Variants in GPAT3 observed in about 807,000 individuals in gnomAD.
GPAT3 encodes the protein 1-AGP acyltransferase 9.
A neutral mutation model predicts 58.8 loss-of-function variants in GPAT3; 53 were observed. That is an observed-to-expected ratio of 0.90 (90% CI 0.72 to 1.13). The LOEUF is 1.13. Ranked by LOEUF, GPAT3 falls within the 50% of genes most tolerant of loss-of-function variation. GPAT3 has a pLI of 0.00. For synonymous variants in GPAT3, 197 were observed against 187.4 expected, an observed-to-expected ratio of 1.05 and a Z score of -0.42; for missense variants, 511 against 527.6, an observed-to-expected ratio of 0.97 and a Z score of 0.31.
upstream of GPAT3, chr4:83,535,811 G>A: frequency 1.0e-6 from 1 of 985,510 alleles, no homozygotes; most frequent in Non-Finnish European, 1.2e-6. Context: ...GTCCTTGGAA[G>A]CCCTTTCCAA....
At chr4:83,591,866 A>C (rs1054739981) in intron 6 of GPAT3, among the ~76,000 whole-genome samples, 1 of 152,196 alleles carries the variant, frequency 6.6e-6, no homozygotes, top group Non-Finnish European at 1.5e-5. Flanking sequence ...AAATTTATTG[A>C]CTAACAGTTC....
rs186163761 is a variant in GPAT3 at position 83,552,539 on chromosome 4, G to A, written c.208+7937G>A. ...GGGAAGAATGGAATGACAAAGTAAG[G>A]CATAGGTGGGGGTGCTTAGATGAGC... On this transcript the variant is annotated intron_variant, in intron 2 of 11. Transcript: ENST00000264409. Among the ~76,000 whole-genome samples, 155 of 152,316 alleles carry A rather than the reference G, an allele frequency of 1.0e-3. 1 individual carries two copies. Among genetic ancestry groups the A allele is most frequent in the African/African-American group, 3.6e-3 (148 of 41,566 alleles).
chr4:83,596,803 G>A (rs1726858067), intron 7 of GPAT3, 55 bp from the exon 8 acceptor site: 1 of 1,374,806 alleles, frequency 7.3e-7, no homozygotes, highest in Non-Finnish European at 1.0e-6. Context: ...TATCAAAAAG[G>A]ACATCCACCT....
In GPAT3 at chr4:83,581,604, C is replaced by A. The variant is rs781332983; in HGVS notation, c.251C>A (p.Ser84Tyr). The A allele has an allele frequency of 2.5e-6, 4 of 1,614,016 alleles. No individual in the cohort carries two copies. Among genetic ancestry groups the A allele is most frequent in the Admixed American group, 3.3e-5 (2 of 59,998 alleles). ...RDESPMEKGL[S>Y]GLRGRDFELS... ...GAGTCACCCATGGAAAAAGGGCTCT[C>A]TGGTCTACGAGGAAGGGACTTTGAG... The change falls in exon 3 of 12, where the codon TCT (serine) becomes TAT (tyrosine). Residue 84 changes from serine to tyrosine, a missense_variant. Transcript: ENST00000264409.
At chr4:83,557,392 C>T (rs965666924) in intron 2 of GPAT3, among the ~76,000 whole-genome samples, 1 of 152,168 alleles carries the variant, frequency 6.6e-6, no homozygotes, top group African/African-American at 2.4e-5. Context: ...GCAGACATCA[C>T]TAGTTGATGA....
intron 2 of GPAT3, among the ~76,000 whole-genome samples, chr4:83,552,186 TTTGG>T: frequency 6.6e-6 from 1 of 152,170 alleles, no homozygotes; most frequent in East Asian, 1.9e-4. Context: ...CTACTGATAC[TTTGG>T]ATTGGGTAAT....
At chr4:83,537,287 T>A (rs1724134196) in intron 1 of GPAT3, among the ~76,000 whole-genome samples, 1 of 152,228 alleles carries the variant, frequency 6.6e-6, no homozygotes, top group Admixed American at 6.5e-5. Context: ...GGAAATTTTA[T>A]CTAACCAACA....
At chr4:83,553,855 C>T (rs1228441240) in intron 2 of GPAT3, among the ~76,000 whole-genome samples, 2 of 151,056 alleles carry the variant, frequency 1.3e-5, no homozygotes, top group South Asian at 2.1e-4. Context: ...CCAGCCTGGA[C>T]GACAGAGTGA....
At chr4:83,553,228 G>A (rs910606769) in intron 2 of GPAT3, among the ~76,000 whole-genome samples, 1 of 152,146 alleles carries the variant, frequency 6.6e-6, no homozygotes, top group African/African-American at 2.4e-5. Flanking sequence ...CAGAGTTATG[G>A]TCTTGTAACT....
chr4:83,559,374 A>G (rs1366646311), intron 2 of GPAT3, among the ~76,000 whole-genome samples: 1 of 152,066 alleles, frequency 6.6e-6, no homozygotes, highest in Non-Finnish European at 1.5e-5. Context: ...CCCAGGCTAG[A>G]GTGCAGTGAC....
intron 2 of GPAT3, among the ~76,000 whole-genome samples, chr4:83,566,793 CT>C (rs566919778): frequency 0.046 from 6,365 of 137,076 alleles, 189 homozygotes; most frequent in Middle Eastern, 0.093. Context: ...TTTAGCTTTT[CT>C]TTTTTTTTTT....
chr4:83,597,972 C>A (rs1183358053), intron 9 of GPAT3, 79 bp from the exon 10 acceptor site: 6 of 1,542,456 alleles, frequency 3.9e-6, no homozygotes, highest in Admixed American at 1.8e-5. Flanking sequence ...AGCTGTTTGG[C>A]CTACCACCTT....
At chr4:83,580,269 T>C (rs1726058127) in intron 2 of GPAT3, among the ~76,000 whole-genome samples, 2 of 152,348 alleles carry the variant, frequency 1.3e-5, no homozygotes, top group South Asian at 4.1e-4. Context: ...AATCCTATTG[T>C]CTAGAAATAG....
At chr4:83,578,948 T>TCTTTTTC (rs11392342) in intron 2 of GPAT3, among the ~76,000 whole-genome samples, 1 of 71,848 alleles carries the variant, frequency 1.4e-5, no homozygotes, top group Non-Finnish European at 2.7e-5. Context: ...TTTTCTTTTC[T>TCTTTTTC]TTTCTTTCTT....
At chr4:83,557,912 T>C (rs1247124228) in intron 2 of GPAT3, among the ~76,000 whole-genome samples, 1 of 152,150 alleles carries the variant, frequency 6.6e-6, no homozygotes, top group East Asian at 1.9e-4. Flanking sequence ...GAAACCGGAA[T>C]AGAATTTAAA....
At chr4:83,585,922 C>A (rs1033793460) in intron 3 of GPAT3, among the ~76,000 whole-genome samples, 3 of 152,154 alleles carry the variant, frequency 2.0e-5, no homozygotes, top group African/African-American at 7.2e-5. Flanking sequence ...TATGTTAAAT[C>A]ATAATCTCCT....
At chr4:83,582,791 T>C (rs1726200405) in intron 3 of GPAT3, among the ~76,000 whole-genome samples, 2 of 152,060 alleles carry the variant, frequency 1.3e-5, no homozygotes, top group Non-Finnish European at 2.9e-5. Context: ...TTGTTGTTTT[T>C]TTTTGCCCAT....
At chr4:83,542,580 G>A (rs1399061265) in intron 1 of GPAT3, among the ~76,000 whole-genome samples, 2 of 152,174 alleles carry the variant, frequency 1.3e-5, no homozygotes, top group Non-Finnish European at 2.9e-5. Context: ...CTTGATGTAC[G>A]TTTTAGGTTA....
chr4:83,563,727 C>T (rs138157449), intron 2 of GPAT3, among the ~76,000 whole-genome samples: 23 of 152,096 alleles, frequency 1.5e-4, no homozygotes, highest in African/African-American at 5.3e-4. Flanking sequence ...GTGACCCACC[C>T]GCCTTGGCCT....
Sources: allele counts gnomAD v4.1 joint callset (sites outside exome capture counted in the v4.1 genomes callset), GRCh38; gene constraint gnomAD v4.1.1; transcripts MANE v1.5; gene names NCBI Gene and HGNC (gene_info 2026-07-23, HGNC 2026-07-21).